Variants in NINL observed in about 807,000 individuals in gnomAD.
NINL encodes ninein-like protein.
NINL carries 153 observed loss-of-function variants against 160.3 expected under a neutral mutation model. The ratio of observed to expected loss-of-function variants is 0.95; its 90% CI spans 0.84 to 1.09. The LOEUF (loss-of-function observed/expected upper bound fraction) is 1.09, where lower values mean the gene tolerates loss of function less well. Ranked by LOEUF, NINL falls within the 50% of genes least tolerant of loss-of-function variation. NINL has a pLI of 0.00. For missense variants in NINL, 1,829 were observed against 1,764.0 expected, an observed-to-expected ratio of 1.04 and a Z score of -0.66; for synonymous variants, 800 against 734.8, an observed-to-expected ratio of 1.09 and a Z score of -1.43.
Position 25,453,217 on chromosome 20 carries a change from A to G in NINL, c.*234T>C, listed in dbSNP as rs1365555835. 8 of 374,390 alleles carry G rather than the reference A, an allele frequency of 2.1e-5. No homozygotes were observed. The highest frequency in any genetic ancestry group is 3.3e-5 in the Non-Finnish European group (7 of 211,684). 23.2% of individuals were successfully genotyped at this position (374,390 alleles called of 1,614,324 possible). ...CAAAACTGGGAATTTTGCCAAGGGA[A>G]ATTACTCAGGACCGCTAATAAAAAC... On this transcript the variant is annotated 3_prime_UTR_variant, in exon 24 of 24. Transcript: ENST00000278886.
chr20:25,480,162 T>C lies in NINL; in HGVS notation c.1916A>G (p.Lys639Arg), dbSNP rs1477781589. The C allele has an allele frequency of 6.2e-7, 1 of 1,612,612 alleles. No homozygotes were observed. Among genetic ancestry groups the C allele is most frequent in the South Asian group, 1.1e-5 (1 of 91,036 alleles). Residue 639 changes from lysine (K) to arginine (R), a missense_variant and splice_region_variant, in exon 15 of 24, where the codon AAG (lysine) becomes AGG (arginine). Coordinates refer to ENST00000278886, the MANE Select transcript of NINL (RefSeq NM_025176.6). ...CCCACAGCCCCATAATCCCCTCACC[T>C]TGGTCTCCAGCTGGGTCCTGAGGTC... ...YQDLRTQLET[K>R]VNYYEREIAA...
chr20:25,574,573 G>A (rs960793063), intron 1 of NINL, among the ~76,000 whole-genome samples: 1 of 152,134 alleles, frequency 6.6e-6, no homozygotes, highest in Non-Finnish European at 1.5e-5. Context: ...CACTTTACAG[G>A]AAGTGTCCAC....
intron 5 of NINL, among the ~76,000 whole-genome samples, chr20:25,509,046 A>AATC (rs2064016873): frequency 6.6e-6 from 1 of 152,112 alleles, no homozygotes; most frequent in Admixed American, 6.5e-5. Flanking sequence ...CTTCTCCTTG[A>AATC]ATCTGGTAGG....
chr20:25,476,943 C>T lies in NINL; in HGVS notation c.2348G>A (p.Arg783Lys). Residue 783 changes from arginine to lysine, a missense_variant, in exon 17 of 24, where the codon AGG becomes AAG. Coordinates refer to ENST00000278886, the MANE Select transcript of NINL (RefSeq NM_025176.6). The part of the protein sequence containing the change: ...SQRSEQLELE[R>K]ALKLQPCASE... ...CGCACAGGGCTGCAGCTTCAGTGCC[C>T]TCTCCAGCTCCAGCTGCTCCGACCT... 1 of 1,611,128 alleles carries T rather than the reference C, an allele frequency of 6.2e-7. No individual in the cohort carries two copies.
chr20:25,453,758 A>G, intron 23 of NINL, 116 bp from the exon 24 acceptor site: 1 of 959,748 alleles, frequency 1.0e-6, no homozygotes, highest in Non-Finnish European at 1.5e-6. Flanking sequence ...GCTCTTAGAA[A>G]TCTGACCCAA....
At chr20:25,540,710 A>T (rs6138600) in intron 1 of NINL, among the ~76,000 whole-genome samples, 60,700 of 151,998 alleles carry the variant, frequency 0.4, 13,327 homozygotes, top group East Asian at 0.91. Context: ...CCAATAAAAC[A>T]CTGAAGCCAG....
intron 5 of NINL, chr20:25,509,599 T>C (rs2064030545): frequency 4.4e-6 from 2 of 452,878 alleles, no homozygotes; most frequent in Non-Finnish European, 8.9e-6. Context: ...TTAGCCAGGC[T>C]GCCAGCTTCA....
At chr20:25,475,551 C>T (rs993534300) in intron 17 of NINL, among the ~76,000 whole-genome samples, 1 of 152,206 alleles carries the variant, frequency 6.6e-6, no homozygotes, top group South Asian at 2.1e-4. Context: ...GGTATACAGC[C>T]TCTTCTGGGA....
At chr20:25,561,003 C>T (rs1299004669) in intron 1 of NINL, among the ~76,000 whole-genome samples, 3 of 150,698 alleles carry the variant, frequency 2.0e-5, no homozygotes, top group African/African-American at 7.4e-5. Flanking sequence ...CTCCCTCTCC[C>T]TCTCTTTCCA....
At chr20:25,551,616 G>A (rs2064808167) in intron 1 of NINL, among the ~76,000 whole-genome samples, 1 of 152,110 alleles carries the variant, frequency 6.6e-6, no homozygotes, top group Admixed American at 6.5e-5. Flanking sequence ...TGTGTGAGGT[G>A]GGGGCAGGCA....
At chr20:25,485,772 A>G (rs949179265) in intron 13 of NINL, among the ~76,000 whole-genome samples, 11 of 152,220 alleles carry the variant, frequency 7.2e-5, no homozygotes, top group Non-Finnish European at 1.6e-4. Context: ...TAGTAAATAA[A>G]ACTTGGATGT....
Position 25,524,946 on chromosome 20 carries a change from T to A in NINL, c.180+1462A>T, listed in dbSNP as rs549907222. ...ATATGTGTGTGTATATATATATATA[T>A]AAATAAATAAACGGGACCATCTGTC... is the stretch of plus-strand genomic sequence containing the variant. On this transcript the variant is annotated intron_variant, in intron 2 of 23. Coordinates refer to ENST00000278886, the MANE Select transcript of NINL (RefSeq NM_025176.6). Among the ~76,000 whole-genome samples the A allele has an allele frequency of 2.2e-4, 33 of 149,186 alleles. 1 individual carries two copies. Among genetic ancestry groups the A allele is most frequent in the South Asian group, 4.2e-4 (2 of 4,780 alleles).
intron 3 of NINL, among the ~76,000 whole-genome samples, chr20:25,515,725 G>C (rs976445626): frequency 6.6e-6 from 1 of 152,102 alleles, no homozygotes; most frequent in African/African-American, 2.4e-5. Context: ...GTGACAGTGA[G>C]TGAGTTCTCA....
At chr20:25,458,335 A>G (rs767982650) in intron 22 of NINL, 48 bp downstream of exon 22, 1 of 1,599,728 alleles carries the variant, frequency 6.3e-7, no homozygotes, top group Admixed American at 1.7e-5. Context: ...GGCCCGCCTC[A>G]CCCTCCTCCT....
chr20:25,486,152 C>G (rs182734196), intron 13 of NINL, among the ~76,000 whole-genome samples: 2 of 152,222 alleles, frequency 1.3e-5, no homozygotes, highest in Admixed American at 1.3e-4. Context: ...GACACGTGCT[C>G]TGTGCACTAG....
intron 23 of NINL, among the ~76,000 whole-genome samples, chr20:25,454,223 C>T (rs78097789): frequency 0.022 from 3,322 of 152,286 alleles, 110 homozygotes; most frequent in African/African-American, 0.075. Context: ...CCTCAAAAGG[C>T]CCTGGGACGG....
chr20:25,523,799 C>T (rs1303391177), intron 2 of NINL, among the ~76,000 whole-genome samples: 2 of 140,532 alleles, frequency 1.4e-5, no homozygotes, highest in African/African-American at 6.5e-5. Flanking sequence ...CGTGCCACCA[C>T]GCCGGCTAAT....
In NINL at chr20:25,570,958, C is replaced by T. The variant is rs563827424; in HGVS notation, c.-12+14497G>A. On this transcript the variant is annotated intron_variant, in intron 1 of 23. Transcript: ENST00000278886. ...CCTCAAGTGATCCATCCATCTCAGCCTTCCAAAGTGCTGGGCGTGAACCAC... is the reference window on the plus strand; with the variant it reads ...CCTCAAGTGATCCATCCATCTCAGCTTTCCAAAGTGCTGGGCGTGAACCAC... Among the ~76,000 whole-genome samples the T allele has an allele frequency of 1.1e-4, 17 of 151,918 alleles. No homozygotes were observed. In the East Asian group the frequency reaches 3.3e-3, roughly 30 times the overall value.
chr20:25,583,278 G>C (rs560451294), intron 1 of NINL, among the ~76,000 whole-genome samples: 1 of 151,700 alleles, frequency 6.6e-6, no homozygotes, highest in East Asian at 1.9e-4. Context: ...AAATTTACAA[G>C]AAAAAAACAA....
Sources: allele counts gnomAD v4.1 joint callset (sites outside exome capture counted in the v4.1 genomes callset), GRCh38; gene constraint gnomAD v4.1.1; transcripts MANE v1.5; gene names NCBI Gene and HGNC (gene_info 2026-07-23, HGNC 2026-07-21).